The following SIGIRR variants were observed in gnomAD, a reference collection of about 807,000 sequenced individuals.
SIGIRR encodes the protein single Ig and TIR domain containing, also known as single Ig IL-1-related receptor.
A neutral mutation model predicts 45.6 loss-of-function variants in SIGIRR; 41 were observed. The observed-to-expected ratio is 0.90, with a 90% confidence interval of 0.70 to 1.17. The LOEUF is 1.17. Ranked by LOEUF, SIGIRR falls within the 50% of genes most tolerant of loss-of-function variation. The pLI, the probability that SIGIRR is intolerant of heterozygous loss-of-function variation, is 0.00. For missense variants in SIGIRR, 599 were observed against 539.6 expected (o/e 1.11, Z -1.09); for synonymous variants, 298 against 239.0 (o/e 1.25, Z -2.28).
chr11:405,959 G>T lies in SIGIRR; in HGVS notation c.1170C>A (p.Leu390=). 6.2e-7 allele frequency: 1 copy of T among 1,612,268 alleles called. No homozygotes were observed. The highest frequency in any genetic ancestry group is 8.5e-7 in the Non-Finnish European group (1 of 1,179,648). ...SRSSEVDVSD[L]GSRNYSARTD... is the part of the protein sequence containing the mutation. ...TGCGGGCACTGTAGTTTCGCGAGCC[G>T]AGATCCGAGACGTCCACTTCGCTGC... The change falls in exon 10 of 10, where the codon CTC becomes CTA. Residue 390 remains leucine (L), a synonymous_variant. Coordinates refer to ENST00000431843, the MANE Select transcript of SIGIRR (RefSeq NM_001135054.2).
rs375160033 is a variant in SIGIRR, at chr11:413,174, G to A, written c.-154+1649C>T. 3.3e-5 allele frequency among the ~76,000 whole-genome samples: 5 copies of A among 152,266 alleles called. No homozygotes were observed. In the South Asian group the frequency reaches 1.0e-3, roughly 32 times the overall value. ...CTCCCTCAGGATTCCTCCCCGCTAA[G>A]GCCCCAGAGGCAGTGGCAGGGACAG... On this transcript the variant is annotated intron_variant, in intron 1 of 9. Transcript: ENST00000431843.
chr11:407,929 C>A lies in SIGIRR; in HGVS notation c.369G>T (p.Leu123=). 6.2e-7 allele frequency: 1 copy of A among 1,610,968 alleles called. No homozygotes were observed. Residue 123 remains leucine (L), a synonymous_variant, in exon 5 of 10, where the codon CTG becomes CTT. Coordinates refer to ENST00000431843, the MANE Select transcript of SIGIRR (RefSeq NM_001135054.2). ...GGGCCAGCAGGACCAGGAGGGAGGC[C>A]AGCACCGCAGCCACGTGGCTTGTAG... is the stretch of plus-strand genomic sequence containing the variant. ...AGPTSHVAAV[L]ASLLVLLALL...
chr11:408,337 G>C (rs2133625637), intron 3 of SIGIRR, 131 bp from the exon 4 acceptor site: 1 of 1,243,016 alleles, frequency 8.0e-7, no homozygotes, highest in African/African-American at 1.5e-5. Flanking sequence ...CTTAAGCCAA[G>C]AGAAGTGACC....
chr11:409,277 C>T, intron 2 of SIGIRR: 1 of 395,940 alleles, frequency 2.5e-6, no homozygotes. Context: ...GGGCACTGCA[C>T]CCCTCAGCCT....
upstream of SIGIRR, among the ~76,000 whole-genome samples, chr11:417,136 A>C (rs1174822145): frequency 6.6e-6 from 1 of 151,990 alleles, no homozygotes; most frequent in Non-Finnish European, 1.5e-5. This position sits in a 1 kb window ranked among gnomAD's most constrained non-coding sequence, Gnocchi z 4.2. Flanking sequence ...CCAGCCCTGG[A>C]AAGGGCCAGG....
chr11:413,358 G>A (rs1009448318), intron 1 of SIGIRR, among the ~76,000 whole-genome samples: 1 of 152,036 alleles, frequency 6.6e-6, no homozygotes, highest in African/African-American at 2.4e-5. Context: ...TGCGGTGGAG[G>A]ACACTCCAAG....
chr11:410,825 AGG>A (rs1847574543), intron 1 of SIGIRR, among the ~76,000 whole-genome samples: 1 of 5,636 alleles, frequency 1.8e-4, no homozygotes, highest in Non-Finnish European at 3.0e-4. Flanking sequence ...GCAGTCGGGG[AGG>A]GGGGTGCCCA....
chr11:410,485 T>G (rs1847536026), intron 1 of SIGIRR, among the ~76,000 whole-genome samples: 2 of 146,580 alleles, frequency 1.4e-5, no homozygotes, highest in African/African-American at 5.5e-5. Flanking sequence ...TGACCATGTC[T>G]GGATACAGTC....
intron 5 of SIGIRR, 53 bp from the exon 6 acceptor site, chr11:407,621 T>C: frequency 6.3e-7 from 1 of 1,588,228 alleles, no homozygotes; most frequent in Non-Finnish European, 8.6e-7. Context: ...ACACCAGCCC[T>C]CGGGGTCCCC....
In SIGIRR at chr11:408,692, T is replaced by C; in HGVS notation, c.206+3A>G. Reference sequence around the variant, plus strand: ...TCTGACCCTGGATACCCGGGTCTCTTACCAGGAGTACTCGTGGAGGCTGTA... The same window carrying C: ...TCTGACCCTGGATACCCGGGTCTCTCACCAGGAGTACTCGTGGAGGCTGTA... On this transcript the variant is annotated splice_donor_region_variant and intron_variant, in intron 3 of 9. Coordinates refer to ENST00000431843, the MANE Select transcript of SIGIRR (RefSeq NM_001135054.2). 1 of 1,612,608 alleles carries C rather than the reference T, an allele frequency of 6.2e-7. No individual in the cohort carries two copies. Among genetic ancestry groups the C allele is most frequent in the Non-Finnish European group, 8.5e-7 (1 of 1,179,892 alleles).
At chr11:414,589 T>C (rs558208425) in intron 1 of SIGIRR, among the ~76,000 whole-genome samples, 2 of 152,220 alleles carry the variant, frequency 1.3e-5, no homozygotes, top group African/African-American at 2.4e-5. Context: ...CTGTTGAGTA[T>C]ATACAACACC....
chr11:407,795 C>T (rs1322914149), intron 5 of SIGIRR, 22 bp downstream of exon 5: 1 of 1,611,884 alleles, frequency 6.2e-7, no homozygotes, highest in Non-Finnish European at 8.5e-7. Context: ...CCCCTCCTCG[C>T]GCCCACGCGG....
At chr11:407,253 T>C in intron 6 of SIGIRR, 89 bp from the exon 7 acceptor site, 1 of 624,580 alleles carries the variant, frequency 1.6e-6, no homozygotes, top group Non-Finnish European at 2.3e-6. Context: ...CGCAGAGCTC[T>C]AAGGGAGGGG....
chr11:407,180 C>A lies in SIGIRR; in HGVS notation c.626-16G>T, dbSNP rs371834375. On this transcript the variant is annotated splice_polypyrimidine_tract_variant and intron_variant, in intron 6 of 9. Transcript: ENST00000431843. ...GCGGAGGGCTCTGCGGGAGGGCGGG[C>A]GTCGGCGGCGCAGGGGCGGGGGCGG... 3.3e-6 allele frequency: 3 copies of A among 917,628 alleles called. No individual in the cohort carries two copies. Among genetic ancestry groups the A allele is most frequent in the South Asian group, 4.2e-5 (2 of 47,176 alleles). The allele number at this position is 917,628 out of a possible 1,614,324, so 56.8% of individuals were successfully genotyped here.
At chr11:415,207 C>CGTGTGTGTGT (rs71022908), upstream of SIGIRR, among the ~76,000 whole-genome samples, 79 of 144,574 alleles carry the variant, frequency 5.5e-4, no homozygotes, top group Admixed American at 2.2e-3. This position sits in a 1 kb window ranked among gnomAD's most constrained non-coding sequence, Gnocchi z 6.6. Flanking sequence ...CTCTGTGCAG[C>CGTGTGTGTGT]GTGTGTGTGT....
chr11:407,995 G>GC, intron 4 of SIGIRR, 38 bp from the exon 5 acceptor site: 2 of 1,601,918 alleles, frequency 1.2e-6, no homozygotes, highest in South Asian at 1.1e-5. Flanking sequence ...CCCTCCAGCA[G>GC]CCCCCAAGCC....
At chr11:416,474 G>GCCCT (rs1476102237), upstream of SIGIRR, among the ~76,000 whole-genome samples, 1 of 152,112 alleles carries the variant, frequency 6.6e-6, no homozygotes, top group African/African-American at 2.4e-5. This position sits in a 1 kb window ranked among gnomAD's most constrained non-coding sequence, Gnocchi z 9.1. Flanking sequence ...TCCAAGCCTG[G>GCCCT]CCCTGGTCGC....
At chr11:408,607 G>T (rs1847457373) in intron 3 of SIGIRR, 88 bp downstream of exon 3, 23 of 1,461,460 alleles carry the variant, frequency 1.6e-5, no homozygotes, top group East Asian at 2.3e-5. Flanking sequence ...CTGGCCAGGT[G>T]GTTACAGACC....
chr11:407,814 C>G lies in SIGIRR; in HGVS notation c.481+3G>C. On this transcript the variant is annotated splice_donor_region_variant and intron_variant, in intron 5 of 9. Transcript: ENST00000431843. ...TCCTCGCGCCCACGCGGGCCCCACGCACCGTTTATCTCCACCTCCCCATAC... is the reference window on the plus strand; with the variant it reads ...TCCTCGCGCCCACGCGGGCCCCACGGACCGTTTATCTCCACCTCCCCATAC... 6.2e-7 allele frequency: 1 copy of G among 1,612,520 alleles called. No homozygotes were observed. Among genetic ancestry groups the G allele is most frequent in the Non-Finnish European group, 8.5e-7 (1 of 1,179,828 alleles).
Sources: allele counts gnomAD v4.1 joint callset (sites outside exome capture counted in the v4.1 genomes callset), GRCh38; gene constraint gnomAD v4.1.1; non-coding constraint Gnocchi (gnomAD v3.1); transcripts MANE v1.5; gene names NCBI Gene and HGNC (gene_info 2026-07-23, HGNC 2026-07-21).